The following PRELID2 variants were observed in gnomAD, a reference collection of about 807,000 sequenced individuals.
The protein encoded by PRELID2 is PRELI domain containing 2.
A neutral mutation model predicts 28.4 loss-of-function variants in PRELID2; 25 were observed. That is an observed-to-expected ratio of 0.88 (90% CI 0.64 to 1.23). The LOEUF (loss-of-function observed/expected upper bound fraction) is 1.23, where lower values mean the gene tolerates loss of function less well. PRELID2 is among the 50% of genes most tolerant of loss of function. PRELID2 has a pLI of 0.00. For missense variants in PRELID2, 201 were observed against 214.4 expected (o/e 0.94, Z 0.39); for synonymous variants, 76 against 71.6 (o/e 1.06, Z -0.31).
chr5:145,658,590 T>TCTCTCTCA (rs1361257575), intron 1 of PRELID2, among the ~76,000 whole-genome samples: 1 of 152,090 alleles, frequency 6.6e-6, no homozygotes, highest in East Asian at 1.9e-4. Context: ...ATCTGGGACC[T>TCTCTCTCA]CTCTCTCACT....
intron 1 of PRELID2, among the ~76,000 whole-genome samples, chr5:145,636,212 A>G (rs1174432119): frequency 2.0e-5 from 3 of 152,240 alleles, no homozygotes; most frequent in African/African-American, 7.2e-5. Context: ...CTGACAAAGT[A>G]GTTAAATTAT....
chr5:145,516,858 G>A (rs1752521755), intron 1 of PRELID2, among the ~76,000 whole-genome samples: 1 of 152,156 alleles, frequency 6.6e-6, no homozygotes, highest in South Asian at 2.1e-4. Context: ...TCTGATCTTT[G>A]ACAAACCTGA....
the PRELID2 span, among the ~76,000 whole-genome samples, chr5:145,418,652 A>G: frequency 6.6e-6 from 1 of 152,224 alleles, no homozygotes; most frequent in East Asian, 1.9e-4. Context: ...AGAATTCCCT[A>G]TGCAATAAAT....
rs373357855 is a variant in PRELID2, at chr5:145,489,553, G to A, written n.71-16238C>T. On this transcript the variant is annotated intron_variant and non_coding_transcript_variant, in intron 1 of 2. Coordinates refer to the PRELID2 transcript ENST00000510259. The stretch of plus-strand genomic sequence containing the variant: ...GCCACAATCAGTACCTGGTAGAAAC[G>A]AAATTGTCATCTTATATCCAGCATT... Among the ~76,000 whole-genome samples the A allele has an allele frequency of 4.6e-5, 7 of 152,252 alleles. 1 individual carries two copies. Among genetic ancestry groups the A allele is most frequent in the African/African-American group, 1.4e-4 (6 of 41,554 alleles).
intron 1 of PRELID2, among the ~76,000 whole-genome samples, chr5:145,745,983 C>G (rs969722054): frequency 5.3e-5 from 8 of 152,240 alleles, no homozygotes; most frequent in South Asian, 2.1e-4. Flanking sequence ...TTAGTTACCA[C>G]CAGGCCTGCC....
intron 1 of PRELID2, among the ~76,000 whole-genome samples, chr5:145,589,258 C>T (rs1051365182): frequency 1.3e-5 from 2 of 152,124 alleles, no homozygotes; most frequent in Non-Finnish European, 2.9e-5. Flanking sequence ...GGTAAATGTC[C>T]TTGCATTCAA....
intron 5 of PRELID2, among the ~76,000 whole-genome samples, chr5:145,793,313 T>C (rs1752518501): frequency 6.6e-6 from 1 of 152,134 alleles, no homozygotes; most frequent in African/African-American, 2.4e-5. Context: ...AGTTTTGATT[T>C]TTCTGGAAAA....
At chr5:145,476,629 G>C (rs1465301169) in intron 1 of PRELID2, among the ~76,000 whole-genome samples, 1 of 151,522 alleles carries the variant, frequency 6.6e-6, no homozygotes, top group Non-Finnish European at 1.5e-5. Flanking sequence ...TGGGCAACAA[G>C]AGTGAAAAGA....
the PRELID2 span, among the ~76,000 whole-genome samples, chr5:145,314,125 C>T: frequency 6.6e-6 from 1 of 152,176 alleles, no homozygotes; most frequent in Admixed American, 6.5e-5. Flanking sequence ...AACCATGAGA[C>T]CTTCATCATG....
intron 1 of PRELID2, among the ~76,000 whole-genome samples, chr5:145,746,212 C>T (rs1756986579): frequency 6.6e-6 from 1 of 152,114 alleles, no homozygotes; most frequent in Non-Finnish European, 1.5e-5. Flanking sequence ...TTAAAAGACA[C>T]AGATTGGCAA....
intron 1 of PRELID2, among the ~76,000 whole-genome samples, chr5:145,548,117 A>T (rs1459562183): frequency 1.3e-5 from 2 of 152,318 alleles, no homozygotes; most frequent in Non-Finnish European, 2.9e-5. Flanking sequence ...ATTATAGGAC[A>T]ATAAAATCAT....
chr5:145,603,317 A>G (rs1753426318), intron 1 of PRELID2, among the ~76,000 whole-genome samples: 1 of 152,108 alleles, frequency 6.6e-6, no homozygotes, highest in South Asian at 2.1e-4. Flanking sequence ...AAAATCTTTG[A>G]ATGAGACCAA....
chr5:145,470,534 T>C (rs939550397), downstream of PRELID2, among the ~76,000 whole-genome samples: 1 of 152,070 alleles, frequency 6.6e-6, no homozygotes, highest in African/African-American at 2.4e-5. Flanking sequence ...ATTTTCCACA[T>C]GAGGAAATGA....
chr5:145,627,652 C>T (rs1753871403), intron 1 of PRELID2, among the ~76,000 whole-genome samples: 1 of 152,160 alleles, frequency 6.6e-6, no homozygotes, highest in African/African-American at 2.4e-5. Flanking sequence ...TCTCACATAA[C>T]AAAGCTCTTC....
the PRELID2 span, among the ~76,000 whole-genome samples, chr5:145,238,622 C>A: frequency 3.3e-5 from 5 of 151,894 alleles, no homozygotes; most frequent in Non-Finnish European, 4.4e-5. Flanking sequence ...TTTTTCAAAC[C>A]CTTTTCAAAA....
the PRELID2 span, among the ~76,000 whole-genome samples, chr5:145,311,470 G>A: frequency 6.6e-6 from 1 of 152,186 alleles, no homozygotes. Flanking sequence ...CAGTCCTAAT[G>A]AGTGCACAGG....
chr5:145,632,691 C>T (rs1162151849), intron 1 of PRELID2, among the ~76,000 whole-genome samples: 1 of 152,166 alleles, frequency 6.6e-6, no homozygotes, highest in Non-Finnish European at 1.5e-5. Context: ...AATCCCACAG[C>T]CTGGTGTACG....
intron 1 of PRELID2, among the ~76,000 whole-genome samples, chr5:145,502,386 C>T (rs1337015860): frequency 6.6e-6 from 1 of 152,096 alleles, no homozygotes; most frequent in Non-Finnish European, 1.5e-5. Flanking sequence ...CAGGCCCCAC[C>T]TCCAACACGA....
At chr5:145,450,502 G>A in the PRELID2 span, among the ~76,000 whole-genome samples, 1 of 152,056 alleles carries the variant, frequency 6.6e-6, no homozygotes, top group Non-Finnish European at 1.5e-5. Context: ...AGTCACTGAG[G>A]CTATGCAATG....
Sources: allele counts gnomAD v4.1 joint callset (sites outside exome capture counted in the v4.1 genomes callset), GRCh38; gene constraint gnomAD v4.1.1; transcripts MANE v1.5; gene names NCBI Gene and HGNC (gene_info 2026-07-23, HGNC 2026-07-21).